Variants in ATP7B observed in about 807,000 individuals in gnomAD.
ATP7B encodes the protein ATPase copper transporting beta.
A neutral mutation model predicts 118.9 loss-of-function variants in ATP7B; 113 were observed. The observed-to-expected ratio is 0.95, with a 90% CI of 0.82 to 1.11. The LOEUF is 1.11. Ranked by LOEUF, ATP7B falls within the 50% of genes most tolerant of loss-of-function variation. The pLI is 0.00. For missense variants in ATP7B, 1,867 were observed against 1,871.4 expected, an observed-to-expected ratio of 1.00 and a Z score of 0.04; for synonymous variants, 777 against 727.4, an observed-to-expected ratio of 1.07 and a Z score of -1.10.
At chr13:51,964,108 AACACACACACAC>A (rs17334263) in intron 5 of ATP7B, among the ~76,000 whole-genome samples, 3 of 145,652 alleles carry the variant, frequency 2.1e-5, no homozygotes, top group South Asian at 2.2e-4. Flanking sequence ...TCTCTCTTTA[AACACACACACAC>A]ACACACACAC....
chr13:51,968,862 T>C (rs1734501418), intron 3 of ATP7B, among the ~76,000 whole-genome samples: 1 of 135,910 alleles, frequency 7.4e-6, no homozygotes, highest in African/African-American at 2.5e-5. Context: ...TTTTCTTTTT[T>C]CTTTTTTTTT....
In ATP7B at chr13:51,942,493, A is replaced by G. The variant is rs560952220; in HGVS notation, c.3305T>C (p.Ile1102Thr). The change falls in exon 15 of 21, where the codon ATT becomes ACT. Residue 1102 changes from isoleucine (I) to threonine (T), a missense_variant. By Grantham distance (89) the Ile-to-Thr change is moderately conservative. Transcript: ENST00000242839. ...TTCCACGTTGCTGACTTTGCACCCA[A>G]TTCCACAGCCTGGCACTGCCTGGAA... is the stretch of plus-strand genomic sequence containing the variant. Reference protein sequence around the residue: ...TDFQAVPGCGIGCKVSNVEGI... With the variant: ...TDFQAVPGCGTGCKVSNVEGI... 19 of 1,614,208 alleles carry G rather than the reference A, an allele frequency of 1.2e-5. No individual in the cohort carries two copies. In the South Asian group the frequency reaches 1.5e-4, roughly 13 times the overall value.
intron 1 of ATP7B, among the ~76,000 whole-genome samples, chr13:52,010,436 AAG>A (rs1304519410): frequency 6.6e-6 from 1 of 152,214 alleles, no homozygotes; most frequent in Non-Finnish European, 1.5e-5. Flanking sequence ...GTTCACTTGC[AAG>A]AGAGAGAGAA....
intron 1 of ATP7B, among the ~76,000 whole-genome samples, chr13:51,983,147 C>T (rs968440802): frequency 1.3e-5 from 2 of 152,202 alleles, no homozygotes; most frequent in African/African-American, 4.8e-5. Context: ...CAGAGCCCAG[C>T]AAGTTAAGAT....
chr13:51,991,013 G>C (rs979891583), intron 1 of ATP7B, among the ~76,000 whole-genome samples: 13 of 152,118 alleles, frequency 8.5e-5, no homozygotes, highest in Middle Eastern at 3.2e-3. Context: ...GCTTGAGCCT[G>C]GGAGGCGGAG....
At chr13:51,944,557 A>G (rs1164407107) in intron 13 of ATP7B, among the ~76,000 whole-genome samples, 1 of 152,190 alleles carries the variant, frequency 6.6e-6, no homozygotes. Context: ...TCGGCTGTAC[A>G]GGAGATGGCA....
At chr13:51,948,213 T>A (rs943777743) in intron 12 of ATP7B, among the ~76,000 whole-genome samples, 1 of 152,218 alleles carries the variant, frequency 6.6e-6, no homozygotes, top group Non-Finnish European at 1.5e-5. Context: ...ATACTTTTAA[T>A]TATGTGAAGG....
intron 1 of ATP7B, chr13:51,995,261 A>G (rs1028468590): frequency 1.0e-6 from 1 of 978,334 alleles, no homozygotes; most frequent in Admixed American, 6.2e-5. Flanking sequence ...CTCCATCTTT[A>G]AAATGGGTCC....
intron 15 of ATP7B, among the ~76,000 whole-genome samples, chr13:51,941,723 G>A (rs1369283455): frequency 6.6e-6 from 1 of 152,210 alleles, no homozygotes; most frequent in Non-Finnish European, 1.5e-5. Context: ...TGTGCTGCTA[G>A]CTGAGGTGTC....
chr13:52,011,798 T>C (rs997074721), upstream of ATP7B, among the ~76,000 whole-genome samples: 8 of 152,248 alleles, frequency 5.3e-5, no homozygotes, highest in African/African-American at 1.7e-4. Flanking sequence ...GCTCCGACAC[T>C]GTACTGGGAT....
At chr13:51,949,843 G>A in intron 11 of ATP7B, 47 bp from the exon 12 acceptor site, 3 of 1,613,384 alleles carry the variant, frequency 1.9e-6, no homozygotes, top group Non-Finnish European at 2.5e-6. Flanking sequence ...AACCTATGAA[G>A]AAATAAAACA....
At chr13:51,935,969 G>A (rs915567827) in intron 19 of ATP7B, among the ~76,000 whole-genome samples, 2 of 152,228 alleles carry the variant, frequency 1.3e-5, no homozygotes. Context: ...ATTTCAGGGC[G>A]AGCTCCAGGG....
chr13:52,004,201 G>T (rs1953667468), intron 1 of ATP7B, among the ~76,000 whole-genome samples: 1 of 152,194 alleles, frequency 6.6e-6, no homozygotes, highest in Admixed American at 6.5e-5. Context: ...GAGGGAGGTT[G>T]CAGTGAGCCA....
At chr13:51,950,771 C>A (rs1008422436) in intron 9 of ATP7B, among the ~76,000 whole-genome samples, 3 of 152,046 alleles carry the variant, frequency 2.0e-5, no homozygotes, top group Non-Finnish European at 4.4e-5. Context: ...CATGGAAGGG[C>A]TTCTCTGGGA....
intron 1 of ATP7B, among the ~76,000 whole-genome samples, chr13:52,005,541 T>A (rs1233253490): frequency 6.6e-6 from 1 of 152,228 alleles, no homozygotes; most frequent in Non-Finnish European, 1.5e-5. Flanking sequence ...AAAATGACCT[T>A]TGCTGTCCAT....
chr13:51,941,555 T>C (rs1957335536), intron 15 of ATP7B, among the ~76,000 whole-genome samples: 1 of 152,184 alleles, frequency 6.6e-6, no homozygotes, highest in Non-Finnish European at 1.5e-5. Context: ...CACTCAGGTA[T>C]TTGCCCAGCA....
At chr13:51,938,008 A>C in intron 17 of ATP7B, among the ~76,000 whole-genome samples, 1 of 150,492 alleles carries the variant, frequency 6.6e-6, no homozygotes, top group South Asian at 2.1e-4. Flanking sequence ...GTCCCTCCCT[A>C]CTCTCCTGCT....
chr13:51,950,478 G>C, intron 9 of ATP7B, 79 bp from the exon 10 acceptor site: 2 of 1,589,038 alleles, frequency 1.3e-6, no homozygotes, highest in Non-Finnish European at 1.7e-6. Flanking sequence ...TGTTACAATA[G>C]TTACACTGTA....
intron 1 of ATP7B, among the ~76,000 whole-genome samples, chr13:51,986,936 T>C (rs1030808705): frequency 6.6e-6 from 1 of 152,152 alleles, no homozygotes; most frequent in African/African-American, 2.4e-5. Context: ...ATAACAGCTA[T>C]TTATGACAAA....
Sources: allele counts gnomAD v4.1 joint callset (sites outside exome capture counted in the v4.1 genomes callset), GRCh38; gene constraint gnomAD v4.1.1; transcripts MANE v1.5; gene names NCBI Gene and HGNC (gene_info 2026-07-23, HGNC 2026-07-21).